Variants in SGK2 observed in about 807,000 individuals in gnomAD.
The protein encoded by SGK2 is serine/threonine-protein kinase Sgk2.
A neutral mutation model predicts 47.5 loss-of-function variants in SGK2; 36 were observed. That is an observed-to-expected ratio of 0.76 (90% CI 0.58 to 1.00). SGK2 has a LOEUF of 1.00. SGK2 is among the 50% of genes least tolerant of loss of function. The pLI is 0.00. For synonymous variants in SGK2, 157 were observed against 181.9 expected, an observed-to-expected ratio of 0.86 and a Z score of 1.10; for missense variants, 404 against 467.4, an observed-to-expected ratio of 0.86 and a Z score of 1.25.
rs11471675 is a variant in SGK2 at position 43,575,464 on chromosome 20, C to CAAA, written c.693+477_693+479dup. On this transcript the variant is annotated intron_variant, in intron 10 of 12. Coordinates refer to ENST00000373100, the MANE Select transcript of SGK2 (RefSeq NM_170693.3). ...TGGGTGACGGAGGGAGACTCTGTCT[C>CAAA]AAAAAAAAAAAAAAAAAAAGTTAGT... Among the ~76,000 whole-genome samples the CAAA allele has an allele frequency of 6.2e-3, 723 of 116,058 alleles. 33 individuals are homozygous for CAAA. The highest frequency in any genetic ancestry group is 7.3e-3 in the Non-Finnish European group (428 of 58,466). The allele number at this position is 116,058 out of a possible 152,430, so 76.1% of individuals were successfully genotyped here. A position where few individuals can be genotyped will look rare whatever the true frequency, so the allele number is the denominator to read the frequency against.
chr20:43,583,061 C>T (rs1980895394), intron 12 of SGK2: 2 of 699,392 alleles, frequency 2.9e-6, no homozygotes, highest in Middle Eastern at 4.9e-4. Context: ...AAGCATGGTG[C>T]CAAGCCCCTT....
At chr20:43,570,799 C>T in intron 7 of SGK2, 70 bp downstream of exon 7, 2 of 1,336,088 alleles carry the variant, frequency 1.5e-6, no homozygotes, top group East Asian at 2.3e-5. Context: ...GTTGTGTGGA[C>T]ACTAAATCCT....
chr20:43,577,835 G>A (rs1980559912), intron 11 of SGK2, among the ~76,000 whole-genome samples: 3 of 151,874 alleles, frequency 2.0e-5, no homozygotes, highest in Admixed American at 2.0e-4. Context: ...AGTAGAGACG[G>A]GGTTTCACTA....
chr20:43,569,351 T>C, intron 5 of SGK2, 34 bp from the exon 6 acceptor site: 2 of 1,610,854 alleles, frequency 1.2e-6, no homozygotes, highest in Non-Finnish European at 1.7e-6. Context: ...TGTTGTGGGC[T>C]GTGACATGGA....
Position 43,569,369 on chromosome 20 carries a change from CTT to C in SGK2, c.229-14_229-13del. On this transcript the variant is annotated splice_polypyrimidine_tract_variant and intron_variant, in intron 5 of 12. Coordinates refer to ENST00000373100, the MANE Select transcript of SGK2 (RefSeq NM_170693.3). ...TGTGGGCTGTGACATGGACCCCTCTCTTTGTGACTCCACAGCAGAGCCACATC... is the reference window on the plus strand; with the variant it reads ...TGTGGGCTGTGACATGGACCCCTCTCTGTGACTCCACAGCAGAGCCACATC... 6.2e-7 allele frequency: 1 copy of C among 1,613,488 alleles called. No individual in the cohort carries two copies. Among genetic ancestry groups the C allele is most frequent in the South Asian group, 1.1e-5 (1 of 91,060 alleles).
intron 9 of SGK2, among the ~76,000 whole-genome samples, chr20:43,574,283 A>G (rs1470811489): frequency 6.6e-6 from 1 of 152,172 alleles, no homozygotes; most frequent in Non-Finnish European, 1.5e-5. Context: ...TCTCTTCCTC[A>G]TGCAAGGCAT....
intron 12 of SGK2, among the ~76,000 whole-genome samples, chr20:43,581,925 C>T (rs1980820657): frequency 6.6e-6 from 1 of 152,246 alleles, no homozygotes; most frequent in African/African-American, 2.4e-5. Flanking sequence ...TCTCATCTTG[C>T]TTGCACTCTG....
At chr20:43,581,677 C>T (rs959672079) in intron 12 of SGK2, among the ~76,000 whole-genome samples, 14 of 152,136 alleles carry the variant, frequency 9.2e-5, no homozygotes, top group Admixed American at 6.5e-5. Flanking sequence ...TATAGGCATG[C>T]GCCACCACGC....
intron 12 of SGK2, among the ~76,000 whole-genome samples, chr20:43,580,745 A>T (rs973343416): frequency 6.6e-6 from 1 of 151,816 alleles, no homozygotes; most frequent in African/African-American, 2.4e-5. Context: ...AAAAAAAAAA[A>T]AAAGGGAATG....
intron 1 of SGK2, among the ~76,000 whole-genome samples, chr20:43,562,693 T>C (rs1421536383): frequency 6.6e-6 from 1 of 152,052 alleles, no homozygotes; most frequent in East Asian, 1.9e-4. Context: ...TTAGCCAAGA[T>C]TGTGCCATTG....
Position 43,579,969 on chromosome 20 carries a change from C to A in SGK2, c.850-3C>A, listed in dbSNP as rs1980690712. The A allele has an allele frequency of 1.9e-6, 3 of 1,611,378 alleles. No homozygotes were observed. Among genetic ancestry groups the A allele is most frequent in the East Asian group, 4.5e-5 (2 of 44,866 alleles). ...CAGAACCTTTTTTCTGCACTTCCTG[C>A]AGCTTGAGATTAAGAACCATGTATT... On this transcript the variant is annotated splice_region_variant and splice_polypyrimidine_tract_variant and intron_variant, in intron 11 of 12. Coordinates refer to ENST00000373100, the MANE Select transcript of SGK2 (RefSeq NM_170693.3).
intron 1 of SGK2, among the ~76,000 whole-genome samples, chr20:43,564,104 C>T (rs1979539037): frequency 6.6e-6 from 1 of 152,228 alleles, no homozygotes; most frequent in South Asian, 2.1e-4. Flanking sequence ...CCTCGGGATC[C>T]TGGGGAGAGG....
intron 12 of SGK2, chr20:43,583,704 C>T (rs1980937252): frequency 8.5e-6 from 6 of 706,536 alleles, no homozygotes; most frequent in Non-Finnish European, 1.0e-5. Context: ...CATGGTAGTT[C>T]ATATCTGTAA....
rs1412669995 is a variant in SGK2 at position 43,583,200 on chromosome 20, C to T, written c.940-1652C>T. On this transcript the variant is annotated intron_variant, in intron 12 of 12. Transcript: ENST00000373100. The stretch of plus-strand genomic sequence containing the variant: ...TCAGATAGGATACACTCGGGCCAGG[C>T]ACCAGAAAAGCTTCTTTTCGTTGGG... 2.3e-5 allele frequency: 30 copies of T among 1,289,562 alleles called. No individual in the cohort carries two copies. In the East Asian group the frequency reaches 1.3e-3, roughly 55 times the overall value. The allele number at this position is 1,289,562 out of a possible 1,614,324, so 79.9% of individuals were successfully genotyped here.
chr20:43,563,135 C>CAAAAAAAA (rs796539305), intron 1 of SGK2, among the ~76,000 whole-genome samples: 4,101 of 70,106 alleles, frequency 0.058, 86 homozygotes, highest in Non-Finnish European at 0.08. Context: ...GACTCTGTCT[C>CAAAAAAAA]AAAAAAAAAA....
rs748070580 is a variant in SGK2, at chr20:43,567,661, C to G, written c.87-4C>G. The G allele has an allele frequency of 4.5e-5, 72 of 1,613,960 alleles. 1 individual carries two copies. The South Asian group carries it at 7.6e-4, about 17-fold the overall frequency. ...CTGATCCGTGTTTTTCCCTCTTCCC[C>G]CAGTGCCCAGCCCACGGACTTCGAC... On this transcript the variant is annotated splice_polypyrimidine_tract_variant and splice_region_variant and intron_variant, in intron 3 of 12. Transcript: ENST00000373100.
At position 43,569,411 on chromosome 20, in the gene SGK2, T is replaced by C. The variant is rs201702433; in HGVS notation, c.255T>C (p.Ser85=). The part of the protein sequence containing the change: ...KEQSHIMAER[S]VLLKNVRHPF... The stretch of plus-strand genomic sequence containing the variant: ...AGAGCCACATCATGGCAGAGCGCAG[T>C]GTGCTTCTGAAGAACGTGCGGCACC... Residue 85 remains serine (S), a synonymous_variant, in exon 6 of 13, where the codon AGT becomes AGC. Transcript: ENST00000373100. 8 of 1,614,032 alleles carry C rather than the reference T, an allele frequency of 5.0e-6. No homozygotes were observed. Among genetic ancestry groups the C allele is most frequent in the Admixed American group, 3.3e-5 (2 of 60,030 alleles).
At chr20:43,579,120 T>G (rs1334941363) in intron 11 of SGK2, among the ~76,000 whole-genome samples, 2 of 151,150 alleles carry the variant, frequency 1.3e-5, no homozygotes, top group African/African-American at 4.9e-5. Flanking sequence ...CGGGTTCAAG[T>G]GATTCTCCTG....
At position 43,571,047 on chromosome 20, in the gene SGK2, T is replaced by C. The variant is rs1361521693; in HGVS notation, c.497T>C (p.Leu166Pro). Residue 166 changes from leucine to proline, a missense_variant, in exon 8 of 13, where the codon CTC (leucine) becomes CCC (proline). Leu to Pro is a moderately conservative substitution (Grantham distance 98, BLOSUM62 -3). Transcript: ENST00000373100. ...AGGGATCTGAAACCAGAGAACATTCTCTTGGACTGCCAGGTTGGTGTGTGT... is the reference window on the plus strand; with the variant it reads ...AGGGATCTGAAACCAGAGAACATTCCCTTGGACTGCCAGGTTGGTGTGTGT... Reference protein sequence around the residue: ...IYRDLKPENILLDCQGHVVLT... With the variant: ...IYRDLKPENIPLDCQGHVVLT... The C allele has an allele frequency of 4.4e-6, 7 of 1,608,236 alleles. No homozygotes were observed. In the South Asian group the frequency reaches 5.5e-5, roughly 13 times the overall value.
Sources: gnomAD v4.1 joint callset for allele counts (sites outside exome capture counted in the v4.1 genomes callset) on GRCh38, gnomAD v4.1.1 for gene constraint, MANE v1.5 for transcripts, NCBI Gene and HGNC (gene_info 2026-07-23, HGNC 2026-07-21) for gene names.